The following CLASP1 variants were observed in gnomAD, a reference collection of about 807,000 sequenced individuals.
CLASP1 encodes CLIP-associating protein 1.
In CLASP1, 38 loss-of-function variants were observed where a neutral mutation model predicts 192.3. The observed-to-expected ratio is 0.20, with a 90% CI of 0.15 to 0.26. The LOEUF is 0.26. CLASP1 is among the 10% of genes least tolerant of loss of function. The pLI, the probability that CLASP1 is intolerant of heterozygous loss-of-function variation, is 1.00. For synonymous variants in CLASP1, 691 were observed against 712.8 expected (o/e 0.97, Z 0.49); for missense variants, 1,433 against 1,932.5 (o/e 0.74, Z 4.85).
At chr2:121,409,601 C>G in intron 24 of CLASP1, among the ~76,000 whole-genome samples, 1 of 152,210 alleles carries the variant, frequency 6.6e-6, no homozygotes, top group Non-Finnish European at 1.5e-5. Flanking sequence ...TTATGCAGTT[C>G]TTTAAAGAAC....
rs60345742 is a variant in CLASP1, at chr2:121,581,260, C to CTTTTTTTTTTTTT, written c.195+24428_195+24440dup. Among the ~76,000 whole-genome samples the CTTTTTTTTTTTTT allele has an allele frequency of 2.8e-3, 164 of 57,662 alleles. 20 individuals carry two copies. The highest frequency in any genetic ancestry group is 9.3e-3 in the African/African-American group (128 of 13,804). The allele number at this position is 57,662 out of a possible 152,430, so 37.8% of individuals were successfully genotyped here. A position where few individuals can be genotyped will look rare whatever the true frequency, so the allele number is the denominator to read the frequency against. The stretch of plus-strand genomic sequence containing the variant: ...TCTGCCTCCCAAAAGGCCTTTTGTT[C>CTTTTTTTTTTTTT]TTTTTTTTTTTTTTTTTTTTTTTTT... On this transcript the variant is annotated intron_variant, in intron 2 of 39. Transcript: ENST00000263710.
At chr2:121,632,820 T>C (rs2069972507) in intron 1 of CLASP1, among the ~76,000 whole-genome samples, 2 of 151,184 alleles carry the variant, frequency 1.3e-5, no homozygotes. Context: ...CACTTGAACC[T>C]GGGAGGTGGA....
intron 7 of CLASP1, among the ~76,000 whole-genome samples, 200 bp from the exon 8 acceptor site, chr2:121,503,434 G>A (rs139439772): frequency 6.6e-6 from 1 of 152,294 alleles, no homozygotes; most frequent in African/African-American, 2.4e-5. Context: ...GGTAAAGAAT[G>A]GGCCTAGAAG....
chr2:121,343,423 G>A (rs988057309), intron 39 of CLASP1, among the ~76,000 whole-genome samples: 5 of 152,114 alleles, frequency 3.3e-5, no homozygotes, highest in African/African-American at 1.2e-4. Context: ...GCAACCCAGG[G>A]TCTATCAACA....
intron 2 of CLASP1, among the ~76,000 whole-genome samples, chr2:121,569,977 C>G (rs867972080): frequency 8.5e-5 from 13 of 152,196 alleles, no homozygotes; most frequent in African/African-American, 3.1e-4. Context: ...CCACTTACTA[C>G]TGGTGTAACT....
chr2:121,386,298 T>C (rs2073176261), intron 32 of CLASP1, among the ~76,000 whole-genome samples: 2 of 152,340 alleles, frequency 1.3e-5, no homozygotes, highest in South Asian at 2.1e-4. Flanking sequence ...GGACACAAGC[T>C]TACTGGTTTG....
At chr2:121,563,459 A>G (rs1216374381) in intron 2 of CLASP1, among the ~76,000 whole-genome samples, 3 of 152,210 alleles carry the variant, frequency 2.0e-5, no homozygotes, top group Non-Finnish European at 2.9e-5. Context: ...TCATGCTTTC[A>G]AACATACCAT....
At chr2:121,407,854 A>G (rs748253457) in intron 24 of CLASP1, 139 bp from the exon 26 acceptor site, 12 of 1,019,738 alleles carry the variant, frequency 1.2e-5, no homozygotes, top group Non-Finnish European at 1.9e-5. Context: ...TCCTGTGCTT[A>G]TAGATTAGGG....
At chr2:121,351,638 C>T (rs2149152201) in intron 37 of CLASP1, among the ~76,000 whole-genome samples, 1 of 152,282 alleles carries the variant, frequency 6.6e-6, no homozygotes, top group Non-Finnish European at 1.5e-5. Context: ...AATAAGATCA[C>T]CACATCCATC....
chr2:121,503,137 G>C (rs1341650137), intron 8 of CLASP1, 30 bp downstream of exon 8: 1 of 1,440,078 alleles, frequency 6.9e-7, no homozygotes, highest in African/African-American at 1.4e-5. Flanking sequence ...AACTGAAAAA[G>C]CAAAAGTAGG....
chr2:121,405,653 A>C (rs1190579417), intron 25 of CLASP1, among the ~76,000 whole-genome samples: 4 of 152,250 alleles, frequency 2.6e-5, no homozygotes, highest in African/African-American at 9.6e-5. Context: ...GACCAATGCC[A>C]ATCAACAGAT....
At chr2:121,501,784 A>C (rs1160820095) in intron 8 of CLASP1, among the ~76,000 whole-genome samples, 1 of 152,210 alleles carries the variant, frequency 6.6e-6, no homozygotes, top group Non-Finnish European at 1.5e-5. Context: ...ACTTTGAGGA[A>C]AAGCGCTCAG....
chr2:121,519,226 T>G (rs2094400539), intron 6 of CLASP1, among the ~76,000 whole-genome samples: 1 of 152,230 alleles, frequency 6.6e-6, no homozygotes, highest in Non-Finnish European at 1.5e-5. Context: ...TGAGGGTTGC[T>G]CTGAGGACTG....
At chr2:121,373,373 T>A (rs1315336925) in intron 34 of CLASP1, among the ~76,000 whole-genome samples, 4 of 152,218 alleles carry the variant, frequency 2.6e-5, no homozygotes, top group Non-Finnish European at 2.9e-5. Flanking sequence ...TCTTTATAAA[T>A]TACCCAGTCT....
intron 1 of CLASP1, among the ~76,000 whole-genome samples, chr2:121,609,697 C>T (rs1025554075): frequency 2.4e-4 from 37 of 152,176 alleles, no homozygotes; most frequent in African/African-American, 8.7e-4. Context: ...AATCCCAAGA[C>T]TTTGGGAGGC....
At chr2:121,365,027 A>G (rs56831576) in intron 36 of CLASP1, 67 bp downstream of exon 37, 4 of 1,434,960 alleles carry the variant, frequency 2.8e-6, no homozygotes, top group African/African-American at 1.4e-5. Context: ...GCTAAGCCCA[A>G]TAAGAAAAGG....
chr2:121,450,684 G>A (rs2085298488), intron 16 of CLASP1, among the ~76,000 whole-genome samples: 1 of 152,164 alleles, frequency 6.6e-6, no homozygotes, highest in African/African-American at 2.4e-5. Context: ...TGTGACGAAT[G>A]TAAAAAACGA....
At chr2:121,487,308 T>C (rs768516228) in intron 8 of CLASP1, among the ~76,000 whole-genome samples, 18 of 152,206 alleles carry the variant, frequency 1.2e-4, no homozygotes, top group Non-Finnish European at 1.9e-4. Context: ...CTGGTGTCCA[T>C]GTCTTTAATC....
At chr2:121,500,055 A>G (rs942441220) in intron 8 of CLASP1, among the ~76,000 whole-genome samples, 2 of 152,182 alleles carry the variant, frequency 1.3e-5, no homozygotes, top group African/African-American at 4.8e-5. Flanking sequence ...TCCTATTTGC[A>G]GATGACAAGA....
Sources: allele counts gnomAD v4.1 joint callset (sites outside exome capture counted in the v4.1 genomes callset), GRCh38; gene constraint gnomAD v4.1.1; transcripts MANE v1.5; gene names NCBI Gene and HGNC (gene_info 2026-07-23, HGNC 2026-07-21).